The following DLC1 variants were observed in gnomAD, a reference collection of about 807,000 sequenced individuals.
DLC1 encodes the protein DLC1 Rho GTPase activating protein.
Under a neutral mutation model 140.3 loss-of-function variants are expected in DLC1, and 54 were observed. The observed-to-expected ratio is 0.38, with a 90% confidence interval of 0.31 to 0.48. The LOEUF (loss-of-function observed/expected upper bound fraction) is 0.48, where lower values mean the gene tolerates loss of function less well. Among genes scored for constraint, DLC1 ranks in the 20% least tolerant of loss-of-function variants. The pLI is 0.96. For synonymous variants in DLC1, 986 were observed against 728.1 expected (o/e 1.35, Z -5.70); for missense variants, 2,536 against 1,907.0 (o/e 1.33, Z -6.14).
intron 5 of DLC1, among the ~76,000 whole-genome samples, chr8:13,271,226 A>G (rs939514597): frequency 6.6e-6 from 1 of 152,202 alleles, no homozygotes; most frequent in African/African-American, 2.4e-5. Flanking sequence ...TATGATTGGA[A>G]AAGTGTTTGT....
chr8:13,104,834 T>A lies in DLC1; in HGVS notation c.1503-1981A>T, dbSNP rs145045049. 3.3e-3 allele frequency among the ~76,000 whole-genome samples: 496 copies of A among 152,230 alleles called. 3 individuals are homozygous for A. The highest frequency in any genetic ancestry group is 0.011 in the African/African-American group (471 of 41,536). ...GGTTCAGAAAAGTTCTCTCTGTTGA[T>A]GGGGAAGAAAAGAAAACAAATAACT... On this transcript the variant is annotated intron_variant, in intron 7 of 17. Transcript: ENST00000276297.
At chr8:13,086,705 T>C (rs568505051) in intron 16 of DLC1, among the ~76,000 whole-genome samples, 10 of 152,142 alleles carry the variant, frequency 6.6e-5, no homozygotes, top group Admixed American at 2.0e-4. Flanking sequence ...TGGGGCCTAA[T>C]GGGAGCTGGA....
intron 1 of DLC1, among the ~76,000 whole-genome samples, chr8:13,510,244 G>A (rs1448545616): frequency 1.3e-5 from 2 of 149,606 alleles, no homozygotes; most frequent in African/African-American, 2.5e-5. Flanking sequence ...GCACAATTTC[G>A]GCTCACTGCA....
Position 13,582,130 on chromosome 8 carries a change from G to A in DLC1, c.-126+22407C>T, listed in dbSNP as rs914612634. Among the ~76,000 whole-genome samples, 3 of 152,204 alleles carry A rather than the reference G, an allele frequency of 2.0e-5. No homozygotes were observed. The South Asian group carries it at 6.2e-4, about 32-fold the overall frequency. The stretch of plus-strand genomic sequence containing the variant: ...GCATTTTTTTCTATAGCCTCTGGAG[G>A]TCATCAAAAAGCGCTTCTAAGCTCT... On this transcript the variant is annotated intron_variant, in intron 1 of 1. Transcript: ENST00000631382.
chr8:13,569,371 C>T (rs1804566770), intron 1 of DLC1, among the ~76,000 whole-genome samples: 1 of 151,672 alleles, frequency 6.6e-6, no homozygotes, highest in Non-Finnish European at 1.5e-5. Context: ...TATTTTTTTC[C>T]CCCATAAAAT....
chr8:13,566,790 A>T, intron 1 of DLC1: 1 of 668,262 alleles, frequency 1.5e-6, no homozygotes, highest in Non-Finnish European at 2.3e-6. Flanking sequence ...GCGGAGGAAA[A>T]GGCGGGACGC....
At chr8:13,540,639 C>T (rs1440872813) in intron 1 of DLC1, among the ~76,000 whole-genome samples, 1 of 152,142 alleles carries the variant, frequency 6.6e-6, no homozygotes, top group East Asian at 1.9e-4. Context: ...CAATCAATTT[C>T]CTATTATCAC....
At chr8:13,147,408 G>A (rs916462920) in intron 5 of DLC1, among the ~76,000 whole-genome samples, 1 of 152,160 alleles carries the variant, frequency 6.6e-6, no homozygotes, top group African/African-American at 2.4e-5. Context: ...TATCCCAGTA[G>A]CTTGTGTTCC....
intron 1 of DLC1, among the ~76,000 whole-genome samples, chr8:13,587,861 C>T (rs1805384865): frequency 6.8e-6 from 1 of 147,942 alleles, no homozygotes; most frequent in African/African-American, 2.5e-5. Flanking sequence ...TCATATCATG[C>T]CCCAATTACT....
Position 13,100,614 on chromosome 8 carries a change from C to T in DLC1, c.1723G>A (p.Gly575Ser), listed in dbSNP as rs762750959. The change falls in exon 9 of 18, where the codon GGC becomes AGC. Residue 575 changes from glycine (G) to serine (S), a missense_variant. Physicochemically the swap from Gly to Ser is moderately conservative, Grantham distance 56 (BLOSUM62 0). Coordinates refer to ENST00000276297, the MANE Select transcript of DLC1 (RefSeq NM_182643.3). ...ATCAGCGTGCCTCCGGGGCTGGGGC[C>T]GTCCTTCGGGTGGGAGTCGTCTGGG... ...GSPDDSHPKD[G>S]PSPGGTLMDL... The T allele has an allele frequency of 1.9e-6, 3 of 1,614,034 alleles. No individual in the cohort carries two copies. In the South Asian group the frequency reaches 3.3e-5, roughly 18 times the overall value.
chr8:13,466,211 A>G (rs78827767), intron 2 of DLC1, among the ~76,000 whole-genome samples: 7,115 of 152,252 alleles, frequency 0.047, 230 homozygotes, highest in African/African-American at 0.065. Context: ...AATAAAGGCC[A>G]TCATCCACAG....
Position 13,422,360 on chromosome 8 carries a change from G to C in DLC1, c.1024-20741C>G, listed in dbSNP as rs574754262. Among the ~76,000 whole-genome samples, 4 of 151,470 alleles carry C rather than the reference G, an allele frequency of 2.6e-5. No individual in the cohort carries two copies. In the South Asian group the frequency reaches 8.3e-4, roughly 32 times the overall value. Reference sequence around the variant, plus strand: ...TATGAGAGAACCAGACCACAAAGTAGTAAAAGTAGTATTTCAACACTAGAA... The same window carrying C: ...TATGAGAGAACCAGACCACAAAGTACTAAAAGTAGTATTTCAACACTAGAA... On this transcript the variant is annotated intron_variant, in intron 2 of 17. Coordinates refer to ENST00000276297, the MANE Select transcript of DLC1 (RefSeq NM_182643.3).
intron 1 of DLC1, among the ~76,000 whole-genome samples, chr8:13,547,197 CATAAT>C (rs1446674562): frequency 6.6e-6 from 1 of 151,980 alleles, no homozygotes; most frequent in Non-Finnish European, 1.5e-5. Context: ...ATTTAGAACT[CATAAT>C]AAACAACTGA....
chr8:13,150,454 C>T (rs951387128), intron 5 of DLC1, among the ~76,000 whole-genome samples: 3 of 151,994 alleles, frequency 2.0e-5, no homozygotes, highest in African/African-American at 7.2e-5. Flanking sequence ...TTGCCCTTAA[C>T]AAGGAGCTAT....
chr8:13,133,377 C>T (rs1243823306), intron 5 of DLC1: 8 of 984,704 alleles, frequency 8.1e-6, no homozygotes, highest in African/African-American at 1.8e-5. Flanking sequence ...GCCTCCTCCC[C>T]GCTGTCTGGG....
At chr8:13,524,112 TTATTATTATTATTA>T (rs1802844637) in intron 1 of DLC1, among the ~76,000 whole-genome samples, 1 of 8,118 alleles carries the variant, frequency 1.2e-4, no homozygotes, top group African/African-American at 5.0e-4. Context: ...ATTCTATTTA[TTATTATTATTATTA>T]TTATTATTAT....
chr8:13,387,875 G>C (rs1836592494), intron 4 of DLC1, among the ~76,000 whole-genome samples: 1 of 152,010 alleles, frequency 6.6e-6, no homozygotes, highest in African/African-American at 2.4e-5. Flanking sequence ...TCAACACTGG[G>C]TTCCTTCACT....
chr8:13,115,494 A>T (rs921214588), intron 6 of DLC1, 92 bp downstream of exon 6: 4 of 1,194,716 alleles, frequency 3.3e-6, no homozygotes, highest in Non-Finnish European at 4.7e-6. Context: ...TTTAAACGAT[A>T]AAACTGCTGA....
chr8:13,372,145 AGT>A (rs56329029), intron 4 of DLC1, among the ~76,000 whole-genome samples: 19,014 of 149,944 alleles, frequency 0.13, 1,291 homozygotes, highest in Non-Finnish European at 0.16. Flanking sequence ...TTCAAAAAAA[AGT>A]GTGTGTGTGT....
Sources: allele counts gnomAD v4.1 joint callset (sites outside exome capture counted in the v4.1 genomes callset), GRCh38; gene constraint gnomAD v4.1.1; transcripts MANE v1.5; gene names NCBI Gene and HGNC (gene_info 2026-07-23, HGNC 2026-07-21).